LIG4: variants seen among roughly 807,000 people sequenced by gnomAD.
LIG4 encodes DNA ligase 4.
A neutral mutation model predicts 19.0 loss-of-function variants in LIG4; 13 were observed. The ratio of observed to expected loss-of-function variants is 0.68; its 90% CI spans 0.44 to 1.09. The LOEUF (loss-of-function observed/expected upper bound fraction) is 1.09. Among genes scored for constraint, LIG4 ranks in the 50% least tolerant of loss-of-function variants. The pLI is 0.00. For synonymous variants in LIG4, 361 were observed against 358.2 expected, an observed-to-expected ratio of 1.01 and a Z score of -0.09; for missense variants, 1,026 against 1,089.7, an observed-to-expected ratio of 0.94 and a Z score of 0.82.
chr13:108,208,480 C>T lies in LIG4; in HGVS notation c.*53G>A. ...TAGTTTAGTATTTTATCATTACCAC[C>T]TGCTGCAATGAGTCTGCCAGATCAG... is the stretch of plus-strand genomic sequence containing the variant. On this transcript the variant is annotated 3_prime_UTR_variant, in exon 3 of 3. Transcript: ENST00000442234. 4 of 1,102,668 alleles carry T rather than the reference C, an allele frequency of 3.6e-6. No homozygotes were observed. The highest frequency in any genetic ancestry group is 5.5e-6 in the Non-Finnish European group (4 of 730,118). The allele number at this position is 1,102,668 out of a possible 1,614,324, so 68.3% of individuals were successfully genotyped here.
rs554949695 is a variant in LIG4 at position 108,211,235 on chromosome 13, A to C, written c.34T>G (p.Ser12Ala). 6.2e-7 allele frequency: 1 copy of C among 1,612,986 alleles called. No individual in the cohort carries two copies. Among genetic ancestry groups the C allele is most frequent in the African/African-American group, 1.3e-5 (1 of 75,060 alleles). The change falls in exon 3 of 3, where the codon TCT becomes GCT. Residue 12 changes from serine (S) to alanine (A), a missense_variant. By Grantham distance (99) the Ser-to-Ala change is moderately conservative (BLOSUM62 1). Transcript: ENST00000442234. ...AASQTSQTVA[S>A]HVPFADLCST... ...CACAAATCTGCAAAAGGAACGTGAGATGCAACAGTTTGTGAAGTTTGTGAG... is the reference window on the plus strand; with the variant it reads ...CACAAATCTGCAAAAGGAACGTGAGCTGCAACAGTTTGTGAAGTTTGTGAG...
Position 108,210,085 on chromosome 13 carries a change from G to A in LIG4, c.1184C>T (p.Pro395Leu). ...CACTATTTCTATTCTACCTGGAATT[G>A]GTGTAAAAATACTACTAAGAATCTC... is the stretch of plus-strand genomic sequence containing the variant. ...RYEILSSIFT[P>L]IPGRIEIVQK... The change falls in exon 3 of 3, where the codon CCA (proline) becomes CTA (leucine). Residue 395 changes from proline (P) to leucine (L), a missense_variant. Transcript: ENST00000442234. The A allele has an allele frequency of 6.2e-7, 1 of 1,612,860 alleles. No homozygotes were observed. Among genetic ancestry groups the A allele is most frequent in the Non-Finnish European group, 8.5e-7 (1 of 1,179,640 alleles).
In LIG4 at chr13:108,209,238, G is replaced by A. The variant is rs1180563348; in HGVS notation, c.2031C>T (p.Asp677=). 6.2e-7 allele frequency: 1 copy of A among 1,614,076 alleles called. No individual in the cohort carries two copies. The highest frequency in any genetic ancestry group is 2.2e-5 in the East Asian group (1 of 44,878). The stretch of plus-strand genomic sequence containing the variant: ...CAAATTCTGCAATTCTGTTCTCCAG[G>A]TCAGGCTTTGGCTGGCTATCTGTTC... ...MSGTDSQPKP[D]LENRIAEFGG... The change falls in exon 3 of 3, where the codon GAC becomes GAT. Residue 677 remains aspartate, a synonymous_variant. Transcript: ENST00000442234.
At position 108,208,721 on chromosome 13, in the gene LIG4, C is replaced by T; in HGVS notation, c.2548G>A (p.Ala850Thr). 1 of 1,614,198 alleles carries T rather than the reference C, an allele frequency of 6.2e-7. No individual in the cohort carries two copies. Among genetic ancestry groups the T allele is most frequent in the South Asian group, 1.1e-5 (1 of 91,086 alleles). ...IKALELRFHG[A>T]KVVSCLAEGV... ...TCAGCTAAACAAGAAACTACTTTTG[C>T]TCCATGAAACCGAAGCTCCAAGGCT... The change falls in exon 3 of 3, where the codon GCA becomes ACA. Residue 850 changes from alanine (A) to threonine (T), a missense_variant. By Grantham distance (58) the Ala-to-Thr change is moderately conservative. Transcript: ENST00000442234.
chr13:108,215,994 T>A (rs570008723), upstream of LIG4, among the ~76,000 whole-genome samples: 21 of 151,944 alleles, frequency 1.4e-4, no homozygotes, highest in Admixed American at 4.6e-4. Context: ...TTTTTTTTTT[T>A]AAATGATGTT....
upstream of LIG4, among the ~76,000 whole-genome samples, chr13:108,216,044 C>T (rs1193167951): frequency 3.3e-5 from 5 of 151,350 alleles, no homozygotes; most frequent in African/African-American, 4.9e-5. Context: ...AGAAATAATA[C>T]ATAACAATAC....
rs746333930 is a variant in LIG4 at position 108,211,002 on chromosome 13, A to G, written c.267T>C (p.Leu89=). The G allele has an allele frequency of 2.5e-6, 4 of 1,605,578 alleles. No homozygotes were observed. In the Admixed American group the frequency reaches 6.9e-5, roughly 28 times the overall value. ...TAAGCAACTCAATATAAAGCTTAGC[A>G]AGCATAGTTTCTTTAATTCCATAGG... ...RMAYGIKETM[L]AKLYIELLNL... is the part of the protein sequence containing the mutation. The change falls in exon 3 of 3, where the codon CTT becomes CTC. Residue 89 remains leucine (L), a synonymous_variant. Coordinates refer to ENST00000442234, the MANE Select transcript of LIG4 (RefSeq NM_206937.2).
chr13:108,212,684 A>G (rs1566370331), intron 2 of LIG4, among the ~76,000 whole-genome samples: 1 of 151,418 alleles, frequency 6.6e-6, no homozygotes, highest in Non-Finnish European at 1.5e-5. Flanking sequence ...TCGCAAACAA[A>G]TGAGCAACAC....
At chr13:108,217,845 G>A (rs1432396554), upstream of LIG4, among the ~76,000 whole-genome samples, 1 of 152,180 alleles carries the variant, frequency 6.6e-6, no homozygotes, top group African/African-American at 2.4e-5. Flanking sequence ...GGTTGACAGC[G>A]AAGCTAATGA....
At position 108,209,511 on chromosome 13, in the gene LIG4, ATCTCT is replaced by A; in HGVS notation, c.1753_1757del (p.Arg585Ter). ...TCATGCACTCATGCCACTCCTTGTC[ATCTCT>A]TATCTTTTCAATTCGTGGAAAACGC... On this transcript the variant is annotated frameshift_variant, in exon 3 of 3. Transcript: ENST00000442234. LOFTEE classifies it low-confidence loss of function (END_TRUNC). 6.2e-7 allele frequency: 1 copy of A among 1,613,998 alleles called. No individual in the cohort carries two copies. The highest frequency in any genetic ancestry group is 8.5e-7 in the Non-Finnish European group (1 of 1,180,002).
rs1594451160 is a variant in LIG4, at chr13:108,207,865, A to T, written c.*668T>A. On this transcript the variant is annotated 3_prime_UTR_variant, in exon 3 of 3. Coordinates refer to ENST00000442234, the MANE Select transcript of LIG4 (RefSeq NM_206937.2). The stretch of plus-strand genomic sequence containing the variant: ...TATTTCACACAAGAAATTAAATGTG[A>T]GCTACTTTTAAAATTGCAAGCTTTA... The T allele has an allele frequency of 2.0e-5, 3 of 152,310 alleles. No homozygotes were observed. The Middle Eastern group carries it at 0.01, about 518-fold the overall frequency. 9.4% of individuals were successfully genotyped at this position (152,310 alleles called of 1,614,324 possible).
rs974517230 is a variant in LIG4 at position 108,208,732 on chromosome 13, C to G, written c.2537G>C (p.Arg846Pro). The G allele has an allele frequency of 6.2e-7, 1 of 1,614,138 alleles. No individual in the cohort carries two copies. Among genetic ancestry groups the G allele is most frequent in the Non-Finnish European group, 8.5e-7 (1 of 1,180,032 alleles). The change falls in exon 3 of 3, where the codon CGG becomes CCG. Residue 846 changes from arginine (R) to proline (P), a missense_variant. Transcript: ENST00000442234. ...TRLAIKALEL[R>P]FHGAKVVSCL... The stretch of plus-strand genomic sequence containing the variant: ...AGAAACTACTTTTGCTCCATGAAAC[C>G]GAAGCTCCAAGGCTTTAATAGCTAA...
At position 108,209,656 on chromosome 13, in the gene LIG4, A is replaced by G; in HGVS notation, c.1613T>C (p.Ile538Thr). The G allele has an allele frequency of 1.2e-6, 2 of 1,614,184 alleles. No homozygotes were observed. Among genetic ancestry groups the G allele is most frequent in the South Asian group, 2.2e-5 (2 of 91,090 alleles). ...PFHRKAPPSS[I>T]LCGTEKPEVY... The stretch of plus-strand genomic sequence containing the variant: ...TTCTGGCTTCTCTGTTCCACATAAA[A>G]TGCTGCTTGGTGGAGCTTTTCTATG... The change falls in exon 3 of 3, where the codon ATT becomes ACT. Residue 538 changes from isoleucine (I) to threonine (T), a missense_variant. Ile to Thr is a moderately conservative substitution (Grantham distance 89). Coordinates refer to ENST00000442234, the MANE Select transcript of LIG4 (RefSeq NM_206937.2).
In LIG4 at chr13:108,209,273, CA is replaced by C. The variant is rs1232919288; in HGVS notation, c.1995del (p.Cys665TrpfsTer3). 6.2e-7 allele frequency: 1 copy of C among 1,614,032 alleles called. No individual in the cohort carries two copies. Among genetic ancestry groups the C allele is most frequent in the African/African-American group, 1.3e-5 (1 of 74,934 alleles). On this transcript the variant is annotated frameshift_variant, in exon 3 of 3. Transcript: ENST00000442234. LOFTEE classifies it low-confidence loss of function (END_TRUNC). ...ISNIFEDVEF[C>X]VMSGTDSQPK... Reference sequence around the variant, plus strand: ...GGCTGGCTATCTGTTCCACTCATAACACAAAACTCTACATCTTCAAATATAT... The same window carrying C: ...GGCTGGCTATCTGTTCCACTCATAACCAAAACTCTACATCTTCAAATATAT...
chr13:108,211,640 CA>C (rs370081340), intron 2 of LIG4, among the ~76,000 whole-genome samples: 5 of 152,042 alleles, frequency 3.3e-5, no homozygotes, highest in African/African-American at 9.7e-5. Context: ...ATAATGGTGA[CA>C]AAAAAACTCA....
intron 2 of LIG4, among the ~76,000 whole-genome samples, chr13:108,213,452 A>C (rs1878876315): frequency 6.6e-6 from 1 of 152,260 alleles, no homozygotes; most frequent in Non-Finnish European, 1.5e-5. Flanking sequence ...TATAATGACA[A>C]AATGTAGGTA....
chr13:108,208,498 C>G lies in LIG4; in HGVS notation c.*35G>C, dbSNP rs959885828. The G allele has an allele frequency of 1.5e-6, 2 of 1,355,578 alleles. No individual in the cohort carries two copies. The highest frequency in any genetic ancestry group is 2.1e-6 in the Non-Finnish European group (2 of 949,822). The allele number at this position is 1,355,578 out of a possible 1,614,324, so 84.0% of individuals were successfully genotyped here. ...TTACCACCTGCTGCAATGAGTCTGC[C>G]AGATCAGAGGCTTTCCTCACTAGGA... On this transcript the variant is annotated 3_prime_UTR_variant, in exon 3 of 3. Transcript: ENST00000442234.
In LIG4 at chr13:108,208,913, C is replaced by T. The variant is rs200756045; in HGVS notation, c.2356G>A (p.Glu786Lys). The T allele has an allele frequency of 6.2e-6, 10 of 1,613,986 alleles. No individual in the cohort carries two copies. Among genetic ancestry groups the T allele is most frequent in the African/African-American group, 4.0e-5 (3 of 74,930 alleles). The part of the protein sequence containing the change: ...EVFSGIKNSN[E>K]QTPEEMASLI... Reference sequence around the variant, plus strand: ...GAAGCCATTTCTTCAGGAGTCTGCTCGTTAGAATTTTTAATTCCTGAGAAT... The same window carrying T: ...GAAGCCATTTCTTCAGGAGTCTGCTTGTTAGAATTTTTAATTCCTGAGAAT... Residue 786 changes from glutamate (E) to lysine (K), a missense_variant, in exon 3 of 3, where the codon GAG becomes AAG. Glu to Lys is a moderately conservative substitution (Grantham distance 56). Around this residue, in one of 3 missense-constraint regions of LIG4, gnomAD observed 521 missense variants for 515.5 expected, o/e 1.01. Transcript: ENST00000442234.
rs1219964359 is a variant in LIG4 at position 108,209,955 on chromosome 13, G to A, written c.1314C>T (p.Tyr438=). 2 of 1,613,732 alleles carry A rather than the reference G, an allele frequency of 1.2e-6. No homozygotes were observed. The highest frequency in any genetic ancestry group is 1.3e-5 in the African/African-American group (1 of 75,050). The part of the protein sequence containing the change: ...GIMVKQPLSI[Y]KPDKRGEGWL... ...ACCCTTCACCTCTTTTGTCTGGCTT[G>A]TAGATGGATAGAGGTTGTTTTACCA... Residue 438 remains tyrosine, a synonymous_variant, in exon 3 of 3, where the codon TAC becomes TAT. Transcript: ENST00000442234.
Sources: gnomAD v4.1 joint callset for allele counts (sites outside exome capture counted in the v4.1 genomes callset) on GRCh38, gnomAD v4.1.1 for gene constraint, gnomAD v4.1.1 regional missense constraint, MANE v1.5 for transcripts, NCBI Gene and HGNC (gene_info 2026-07-23, HGNC 2026-07-21) for gene names.